HMBOX1: variants seen among roughly 807,000 people sequenced by gnomAD.
HMBOX1 encodes the protein homeobox-containing protein 1.
In HMBOX1, 14 loss-of-function variants were observed where a neutral mutation model predicts 54.5. That is an observed-to-expected ratio of 0.26 (90% CI 0.17 to 0.40). The LOEUF (loss-of-function observed/expected upper bound fraction) is 0.40, where lower values mean the gene tolerates loss of function less well. Ranked by LOEUF, HMBOX1 falls within the 10% of genes least tolerant of loss-of-function variation. The pLI, the probability that HMBOX1 is intolerant of heterozygous loss-of-function variation, is 1.00. For missense variants in HMBOX1, 332 were observed against 514.4 expected (o/e 0.65, Z 3.43); for synonymous variants, 160 against 181.0 (o/e 0.88, Z 0.93).
intron 1 of HMBOX1, among the ~76,000 whole-genome samples, chr8:28,957,392 A>C (rs560122455): frequency 1.3e-5 from 2 of 152,170 alleles, no homozygotes; most frequent in African/African-American, 4.8e-5. Context: ...AGCAGTAGAC[A>C]CTGGAGACTC....
At chr8:29,037,403 T>A (rs1804076954) in intron 6 of HMBOX1, among the ~76,000 whole-genome samples, 1 of 152,196 alleles carries the variant, frequency 6.6e-6, no homozygotes, top group Admixed American at 6.5e-5. Context: ...CAGCAAACTT[T>A]ATTTTCAAAT....
chr8:29,004,520 T>C (rs142932864), intron 4 of HMBOX1, among the ~76,000 whole-genome samples: 1 of 152,242 alleles, frequency 6.6e-6, no homozygotes, highest in African/African-American at 2.4e-5. Context: ...AGCGTGGTGT[T>C]TGAGGAACAG....
intron 3 of HMBOX1, among the ~76,000 whole-genome samples, chr8:28,975,271 C>T (rs1828180518): frequency 6.6e-6 from 1 of 152,152 alleles, no homozygotes; most frequent in Admixed American, 6.5e-5. Flanking sequence ...AACTATAATA[C>T]AGAACAGCAT....
chr8:28,998,987 G>C (rs1349329946), intron 4 of HMBOX1, among the ~76,000 whole-genome samples: 1 of 151,898 alleles, frequency 6.6e-6, no homozygotes. Flanking sequence ...GCATTATATA[G>C]TTTTCTTTTA....
chr8:28,944,760 C>A (rs1172475547), intron 1 of HMBOX1, among the ~76,000 whole-genome samples: 1 of 152,120 alleles, frequency 6.6e-6, no homozygotes, highest in African/African-American at 2.4e-5. Context: ...AAGGTAATTC[C>A]TTCAAGATGG....
chr8:28,904,085 T>G (rs1410240293), intron 1 of HMBOX1, among the ~76,000 whole-genome samples: 1 of 152,188 alleles, frequency 6.6e-6, no homozygotes, highest in Non-Finnish European at 1.5e-5. Context: ...GCCTTTTCTT[T>G]GTGTGTGACT....
chr8:28,944,138 C>A (rs779288709), intron 1 of HMBOX1, among the ~76,000 whole-genome samples: 1 of 152,204 alleles, frequency 6.6e-6, no homozygotes, highest in Non-Finnish European at 1.5e-5. Flanking sequence ...TGCATATCAT[C>A]ATTGTCTGTC....
chr8:28,911,308 G>A (rs1002996039), intron 1 of HMBOX1, among the ~76,000 whole-genome samples: 1 of 152,222 alleles, frequency 6.6e-6, no homozygotes, highest in Non-Finnish European at 1.5e-5. Flanking sequence ...GGTGCAGTCT[G>A]ATTAGGACAG....
intron 4 of HMBOX1, among the ~76,000 whole-genome samples, chr8:29,001,480 G>A (rs1056497100): frequency 3.3e-5 from 5 of 152,166 alleles, no homozygotes; most frequent in Non-Finnish European, 7.4e-5. Context: ...TACCTGGGAG[G>A]CAGAGGTTGC....
At chr8:29,026,987 G>A (rs931806623) in intron 6 of HMBOX1, among the ~76,000 whole-genome samples, 6 of 152,138 alleles carry the variant, frequency 3.9e-5, no homozygotes, top group Admixed American at 2.6e-4. Context: ...TTATATTTGT[G>A]TGGGTTTAAA....
At chr8:28,952,846 A>G (rs537600104) in intron 1 of HMBOX1, among the ~76,000 whole-genome samples, 1 of 152,358 alleles carries the variant, frequency 6.6e-6, no homozygotes, top group Admixed American at 6.5e-5. Context: ...TGTAACTTTA[A>G]TCACAAATCA....
At chr8:28,986,666 A>T (rs35601214) in intron 4 of HMBOX1, among the ~76,000 whole-genome samples, 3,813 of 152,284 alleles carry the variant, frequency 0.025, 80 homozygotes, top group Non-Finnish European at 0.039. Context: ...AATGTACTTC[A>T]TTCACTCACG....
intron 1 of HMBOX1, among the ~76,000 whole-genome samples, chr8:28,900,539 ATCCTCTCTGATTGCTTATGTCAG>A (rs1259368584): frequency 3.3e-5 from 5 of 151,850 alleles, no homozygotes; most frequent in African/African-American, 1.2e-4. Flanking sequence ...CACTGTGTCC[ATCCTCTCTGATTGCTTATGTCAG>A]TAGATCGTGA....
intron 1 of HMBOX1, among the ~76,000 whole-genome samples, chr8:28,927,524 T>TAGGAGGAGGAGGAAG (rs942588166): frequency 5.3e-5 from 8 of 151,010 alleles, no homozygotes; most frequent in African/African-American, 1.5e-4. Flanking sequence ...GGCAAGGTAG[T>TAGGAGGAGGAGGAAG]AGGAGGAGGA....
chr8:28,964,362 A>T (rs1457943262), intron 2 of HMBOX1, among the ~76,000 whole-genome samples: 4 of 152,192 alleles, frequency 2.6e-5, no homozygotes, highest in African/African-American at 9.7e-5. Flanking sequence ...AGTTAAGCCT[A>T]TTAGCTGATG....
chr8:29,030,283 TCTCAG>T (rs1421717835), intron 6 of HMBOX1, among the ~76,000 whole-genome samples: 1 of 151,948 alleles, frequency 6.6e-6, no homozygotes, highest in Admixed American at 6.6e-5. Flanking sequence ...AATGGCGTGA[TCTCAG>T]CTCACTGCAA....
At chr8:29,039,605 A>C (rs1014755350) in intron 6 of HMBOX1, among the ~76,000 whole-genome samples, 1 of 152,170 alleles carries the variant, frequency 6.6e-6, no homozygotes, top group African/African-American at 2.4e-5. Context: ...TTAGATACTT[A>C]CTGTCTATTA....
chr8:28,974,394 T>C (rs2132406663), intron 3 of HMBOX1, among the ~76,000 whole-genome samples: 1 of 152,308 alleles, frequency 6.6e-6, no homozygotes, highest in Non-Finnish European at 1.5e-5. Context: ...ACATATCTGC[T>C]AATATAGCAT....
chr8:29,050,900 AG>A (rs1806348560), intron 9 of HMBOX1, 117 bp from the exon 10 acceptor site: 8 of 880,426 alleles, frequency 9.1e-6, no homozygotes, highest in Non-Finnish European at 1.4e-5. Flanking sequence ...TTTTATCATG[AG>A]CCCCTCCCCC....
Sources: allele counts gnomAD v4.1 joint callset (sites outside exome capture counted in the v4.1 genomes callset), GRCh38; gene constraint gnomAD v4.1.1; transcripts MANE v1.5; gene names NCBI Gene and HGNC (gene_info 2026-07-23, HGNC 2026-07-21).